The following LDB3 variants were observed in gnomAD, a reference collection of about 807,000 sequenced individuals.
LDB3 encodes the protein LIM domain-binding protein 3.
Under a neutral mutation model 69.0 loss-of-function variants are expected in LDB3, and 49 were observed. The ratio of observed to expected loss-of-function variants is 0.71; its 90% confidence interval spans 0.56 to 0.90. The LOEUF (loss-of-function observed/expected upper bound fraction) is 0.90, where lower values mean the gene tolerates loss of function less well. LDB3 is among the 40% of genes least tolerant of loss of function. LDB3 has a pLI of 0.00. For synonymous variants in LDB3, 387 were observed against 396.2 expected (o/e 0.98, Z 0.28); for missense variants, 928 against 974.1 (o/e 0.95, Z 0.63).
In LDB3 at chr10:86,710,347, T is replaced by C. The variant is rs562992486; in HGVS notation, c.1231+297T>C. 1.2e-4 allele frequency: 92 copies of C among 768,374 alleles called. No individual in the cohort carries two copies. The East Asian group carries it at 0.011, about 88-fold the overall frequency. 47.6% of individuals were successfully genotyped at this position (768,374 alleles called of 1,614,324 possible). A position where few individuals can be genotyped will look rare whatever the true frequency, so the allele number is the denominator to read the frequency against. On this transcript the variant is annotated intron_variant, in intron 9 of 13. Transcript: ENST00000361373. ...GCTCACACTTGGAATCCCAGCACTT[T>C]GGGAGGCTGGGGCAGGAGGATCGCC... is the stretch of plus-strand genomic sequence containing the variant.
At chr10:86,698,432 G>A (rs1022379924) in intron 7 of LDB3, among the ~76,000 whole-genome samples, 1 of 152,162 alleles carries the variant, frequency 6.6e-6, no homozygotes, top group Non-Finnish European at 1.5e-5. Flanking sequence ...GGATGTGATC[G>A]GCCCTTCCAG....
chr10:86,699,902 A>G lies in LDB3; in HGVS notation c.897-6629A>G. ...TCTTTGAAGAGGAAGTAGAAGCCCC[A>G]GGGTAATGAGGCAGAGACCCCTCCT... On this transcript the variant is annotated intron_variant, in intron 7 of 13. Transcript: ENST00000361373. This position sits in a 1 kb window ranked among gnomAD's most constrained non-coding sequence, Gnocchi z 4.9. 1 of 1,009,120 alleles carries G rather than the reference A, an allele frequency of 9.9e-7. No homozygotes were observed. Among genetic ancestry groups the G allele is most frequent in the Non-Finnish European group, 1.2e-6 (1 of 843,332 alleles). The allele number at this position is 1,009,120 out of a possible 1,614,324, so 62.5% of individuals were successfully genotyped here.
At chr10:86,720,374 G>A (rs1589679287) in intron 12 of LDB3, among the ~76,000 whole-genome samples, 1 of 152,088 alleles carries the variant, frequency 6.6e-6, no homozygotes, top group East Asian at 1.9e-4. Flanking sequence ...AACCCGGGAG[G>A]CAGAGGTTGC....
intron 5 of LDB3, among the ~76,000 whole-genome samples, chr10:86,689,336 T>C (rs906531154): frequency 2.0e-5 from 3 of 152,090 alleles, no homozygotes; most frequent in African/African-American, 7.2e-5. Context: ...ATGGTGTGTG[T>C]GGGTTTGGTG....
At chr10:86,715,203 C>CCCAA (rs1300746728) in intron 9 of LDB3, among the ~76,000 whole-genome samples, 8 of 152,268 alleles carry the variant, frequency 5.3e-5, no homozygotes, top group Non-Finnish European at 8.8e-5. Context: ...CAGGGACTGC[C>CCCAA]TCAATGCAGT....
intron 6 of LDB3, 66 bp from the exon 7 acceptor site, chr10:86,692,469 G>T: frequency 6.6e-7 from 1 of 1,522,958 alleles, no homozygotes; most frequent in African/African-American, 1.4e-5. Context: ...AGTGCCCACA[G>T]AGCCCCAGCA....
intron 13 of LDB3, among the ~76,000 whole-genome samples, chr10:86,726,785 C>G (rs1012763131): frequency 3.3e-5 from 5 of 152,116 alleles, no homozygotes; most frequent in African/African-American, 1.2e-4. Flanking sequence ...TGATATATAG[C>G]TGCCAGGAGA....
intron 2 of LDB3, among the ~76,000 whole-genome samples, chr10:86,673,578 C>T (rs1844606493): frequency 6.6e-6 from 1 of 151,952 alleles, no homozygotes; most frequent in South Asian, 2.1e-4. Context: ...CAGAAGGTTC[C>T]AGTGAGAGGG....
At chr10:86,678,159 T>C (rs1844905963) in intron 2 of LDB3, among the ~76,000 whole-genome samples, 1 of 151,632 alleles carries the variant, frequency 6.6e-6, no homozygotes, top group Non-Finnish European at 1.5e-5. Context: ...GCGATTCTCC[T>C]GCTTCAGCCT....
intron 5 of LDB3, among the ~76,000 whole-genome samples, chr10:86,687,672 T>C (rs934511730): frequency 6.6e-5 from 10 of 152,242 alleles, no homozygotes; most frequent in African/African-American, 2.4e-4. Flanking sequence ...CTTCCAGCAA[T>C]GAGAATTGAT....
At chr10:86,722,171 T>C (rs1012852566) in intron 12 of LDB3, among the ~76,000 whole-genome samples, 1 of 152,232 alleles carries the variant, frequency 6.6e-6, no homozygotes, top group Non-Finnish European at 1.5e-5. Flanking sequence ...AAAGCGATAA[T>C]TCTCCAAATC....
intron 8 of LDB3, among the ~76,000 whole-genome samples, chr10:86,708,492 C>T (rs1008908911): frequency 1.3e-5 from 2 of 152,116 alleles, no homozygotes; most frequent in East Asian, 3.9e-4. Context: ...GGGCTGTGGG[C>T]AAAGTGTCCT....
chr10:86,667,129 T>C (rs888829845), upstream of LDB3, among the ~76,000 whole-genome samples: 6 of 152,142 alleles, frequency 3.9e-5, no homozygotes, highest in Non-Finnish European at 8.8e-5. Flanking sequence ...ACACAGGTCT[T>C]TTCCTGACTT....
intron 5 of LDB3, among the ~76,000 whole-genome samples, chr10:86,683,326 A>T (rs1286945977): frequency 6.6e-6 from 1 of 152,226 alleles, no homozygotes; most frequent in African/African-American, 2.4e-5. Context: ...GCAACTCCAG[A>T]GGTGGGCATG....
At chr10:86,709,452 G>C (rs1222055433) in intron 8 of LDB3, among the ~76,000 whole-genome samples, 1 of 152,164 alleles carries the variant, frequency 6.6e-6, no homozygotes. Flanking sequence ...TGGAGCATCT[G>C]TGCCCAGAAA....
intron 12 of LDB3, among the ~76,000 whole-genome samples, chr10:86,722,878 C>T (rs1170483272): frequency 6.6e-6 from 1 of 151,972 alleles, no homozygotes; most frequent in Non-Finnish European, 1.5e-5. Context: ...ATTCAAGCCA[C>T]TTTAATAGCT....
In LDB3 at chr10:86,679,555, TG is replaced by T. The variant is rs756933644; in HGVS notation, c.245+40del. 21 of 1,611,402 alleles carry T rather than the reference TG, an allele frequency of 1.3e-5. 1 individual carries two copies. The South Asian group carries it at 2.3e-4, about 18-fold the overall frequency. On this transcript the variant is annotated intron_variant, in intron 3 of 13. Transcript: ENST00000361373. ...CTCTCCAGAGCAGGGGGCGGAGGTT[TG>T]GGTGTGGGCATGGGGCAGGGGCCAA...
At chr10:86,697,382 C>T (rs780450976) in intron 7 of LDB3, among the ~76,000 whole-genome samples, 16 of 150,608 alleles carry the variant, frequency 1.1e-4, no homozygotes, top group African/African-American at 1.5e-4. Flanking sequence ...ACACCACGCC[C>T]GGCTAATTTT....
At chr10:86,730,882 G>T (rs980866146) in intron 13 of LDB3, among the ~76,000 whole-genome samples, 2 of 152,126 alleles carry the variant, frequency 1.3e-5, no homozygotes, top group South Asian at 4.1e-4. Context: ...GCTGGGCGTG[G>T]TGGCTCACGC....
Sources: gnomAD v4.1 joint callset for allele counts (sites outside exome capture counted in the v4.1 genomes callset) on GRCh38, gnomAD v4.1.1 for gene constraint, Gnocchi (gnomAD v3.1) non-coding constraint, MANE v1.5 for transcripts, NCBI Gene and HGNC (gene_info 2026-07-23, HGNC 2026-07-21) for gene names.